Variants in CYP4V2 observed in about 807,000 individuals in gnomAD.
The protein encoded by CYP4V2 is cytochrome P450 4V2.
CYP4V2 carries 55 observed loss-of-function variants against 60.8 expected under a neutral mutation model. That is an observed-to-expected ratio of 0.90 (90% CI 0.73 to 1.13). The LOEUF (loss-of-function observed/expected upper bound fraction) is 1.13, where lower values mean the gene tolerates loss of function less well. Among genes scored for constraint, CYP4V2 ranks in the 50% most tolerant of loss-of-function variants. The pLI is 0.00. For synonymous variants in CYP4V2, 239 were observed against 236.8 expected, an observed-to-expected ratio of 1.01 and a Z score of -0.08; for missense variants, 675 against 662.9, an observed-to-expected ratio of 1.02 and a Z score of -0.20.
At chr4:186,209,492 A>C (rs1736641827) in intron 10 of CYP4V2, among the ~76,000 whole-genome samples, 1 of 152,208 alleles carries the variant, frequency 6.6e-6, no homozygotes, top group Non-Finnish European at 1.5e-5. Context: ...ATAGCAAAAT[A>C]CCACAGACTG....
chr4:186,194,308 G>GA (rs1736078109), intron 1 of CYP4V2, among the ~76,000 whole-genome samples, 192 bp from the exon 2 acceptor site: 1 of 152,068 alleles, frequency 6.6e-6, no homozygotes, highest in South Asian at 2.1e-4. Flanking sequence ...ATACTATGTT[G>GA]AAAAAAACTT....
intron 1 of CYP4V2, 43 bp downstream of exon 1, chr4:186,192,080 C>T (rs1472291444): frequency 1.3e-6 from 2 of 1,537,230 alleles, no homozygotes; most frequent in East Asian, 2.4e-5. Flanking sequence ...GGGTCCGCAG[C>T]CCCGTTCCCA....
At chr4:186,193,101 GTA>G (rs1323383199) in intron 1 of CYP4V2, among the ~76,000 whole-genome samples, 1 of 150,844 alleles carries the variant, frequency 6.6e-6, no homozygotes, top group Non-Finnish European at 1.5e-5. Flanking sequence ...CATGACTGAT[GTA>G]ACAAGTAATC....
In CYP4V2 at chr4:186,208,910, G is replaced by A. The variant is rs749161735; in HGVS notation, c.1136G>A (p.Arg379Gln). 12 of 1,614,006 alleles carry A rather than the reference G, an allele frequency of 7.4e-6. No homozygotes were observed. Among genetic ancestry groups the A allele is most frequent in the South Asian group, 2.2e-5 (2 of 91,086 alleles). The stretch of plus-strand genomic sequence containing the variant: ...ACAGTAGAAGACCTGAAGAAACTTC[G>A]GTATCTGGAATGTGTTATTAAGGAG... ...PATVEDLKKL[R>Q]YLECVIKETL... Residue 379 changes from arginine to glutamine, a missense_variant, in exon 9 of 11, where the codon CGG becomes CAG. By Grantham distance (43) the Arg-to-Gln change is conservative. Transcript: ENST00000378802.
chr4:186,209,069 AATGTATTGACT>A lies in CYP4V2; in HGVS notation c.1226-22_1226-12del. ...AATGTCTACCTTGCTCCGGTCTCAT[AATGTATTGACT>A]ACTTCTTGACAGCAGGTTACAGAGT... On this transcript the variant is annotated splice_polypyrimidine_tract_variant and intron_variant, in intron 9 of 10. Coordinates refer to ENST00000378802, the MANE Select transcript of CYP4V2 (RefSeq NM_207352.4). The A allele has an allele frequency of 6.2e-7, 1 of 1,614,142 alleles. No homozygotes were observed. Among genetic ancestry groups the A allele is most frequent in the Non-Finnish European group, 8.5e-7 (1 of 1,180,014 alleles).
At chr4:186,192,218 C>G in intron 1 of CYP4V2, 181 bp downstream of exon 1, 1 of 789,254 alleles carries the variant, frequency 1.3e-6, no homozygotes, top group Non-Finnish European at 2.2e-6. Context: ...CTGCTAGTGC[C>G]CCATCCCAAA....
Position 186,196,103 on chromosome 4 carries a change from C to G in CYP4V2, c.413+15C>G. The G allele has an allele frequency of 6.3e-7, 1 of 1,595,458 alleles. No individual in the cohort carries two copies. The highest frequency in any genetic ancestry group is 8.6e-7 in the Non-Finnish European group (1 of 1,163,052). On this transcript the variant is annotated intron_variant, in intron 3 of 10. Transcript: ENST00000378802. ...CTTCTTACAAGGTATGCCAGTGTACCTTTGTAAAGCTGTCTATAGAAATGG... is the reference window on the plus strand; with the variant it reads ...CTTCTTACAAGGTATGCCAGTGTACGTTTGTAAAGCTGTCTATAGAAATGG...
At chr4:186,201,042 G>A in intron 6 of CYP4V2, 115 bp from the exon 7 acceptor site, 2 of 1,091,790 alleles carry the variant, frequency 1.8e-6, no homozygotes, top group East Asian at 2.6e-5. Flanking sequence ...TCGAAATGTT[G>A]AAATAGGCTT....
intron 3 of CYP4V2, 80 bp from the exon 4 acceptor site, chr4:186,196,860 A>G: frequency 7.0e-7 from 1 of 1,434,718 alleles, no homozygotes; most frequent in Non-Finnish European, 9.6e-7. Flanking sequence ...TTTATGCTTT[A>G]ATCGTTTTGG....
intron 8 of CYP4V2, among the ~76,000 whole-genome samples, chr4:186,205,664 A>G (rs1431196719): frequency 6.6e-6 from 1 of 152,236 alleles, no homozygotes; most frequent in Non-Finnish European, 1.5e-5. Context: ...GCTGTTTCGC[A>G]GATTGCCTCT....
At position 186,192,775 on chromosome 4, in the gene CYP4V2, G is replaced by A. The variant is rs186191281; in HGVS notation, c.214+738G>A. On this transcript the variant is annotated intron_variant, in intron 1 of 10. Coordinates refer to ENST00000378802, the MANE Select transcript of CYP4V2 (RefSeq NM_207352.4). ...CAGGGAGGGCGAACTCGATCTCAGA[G>A]TTTTATTTTCATCAGGGATTACGTT... Among the ~76,000 whole-genome samples the A allele has an allele frequency of 3.3e-5, 5 of 152,304 alleles. No individual in the cohort carries two copies. The East Asian group carries it at 7.7e-4, about 24-fold the overall frequency.
At chr4:186,192,129 G>T in intron 1 of CYP4V2, 92 bp downstream of exon 1, 1 of 1,471,722 alleles carries the variant, frequency 6.8e-7, no homozygotes, top group Non-Finnish European at 9.2e-7. Flanking sequence ...TGTGGCGCTG[G>T]CCGCAGGAGA....
rs1736298238 is a variant in CYP4V2, at chr4:186,201,254, T to C, written c.899T>C (p.Leu300Pro). Residue 300 changes from leucine to proline, a missense_variant, in exon 7 of 11, where the codon CTT becomes CCT. Leu to Pro is a moderately conservative substitution (Grantham distance 98). Coordinates refer to ENST00000378802, the MANE Select transcript of CYP4V2 (RefSeq NM_207352.4). ...TCCAAAAATAAACGCAGGGCCTTTC[T>C]TGACTTGCTTTTAAGTGTGACTGAT... is the stretch of plus-strand genomic sequence containing the variant. ...APSKNKRRAF[L>P]DLLLSVTDDE... 6.2e-7 allele frequency: 1 copy of C among 1,614,212 alleles called. No individual in the cohort carries two copies.
Position 186,195,119 on chromosome 4 carries a change from A to T in CYP4V2, c.327+507A>T, listed in dbSNP as rs1441450058. Among the ~76,000 whole-genome samples the T allele has an allele frequency of 6.6e-6, 1 of 152,224 alleles. No individual in the cohort carries two copies. The highest frequency in any genetic ancestry group is 1.5e-5 in the Non-Finnish European group (1 of 68,040). On this transcript the variant is annotated intron_variant, in intron 2 of 10. Coordinates refer to ENST00000378802, the MANE Select transcript of CYP4V2 (RefSeq NM_207352.4). The surrounding 1 kb of genome is among the most constrained non-coding windows in gnomAD (Gnocchi z 4.1). ...AGCTGTAGTCTTTTTACTTGTTGAA[A>T]GGTCTGGGGAAATCATCTTGTAGTA...
At position 186,201,165 on chromosome 4, in the gene CYP4V2, T is replaced by A. The variant is rs3736455; in HGVS notation, c.810T>A (p.Ala270=). The change falls in exon 7 of 11, where the codon GCT becomes GCA. Residue 270 remains alanine (A), a synonymous_variant. Transcript: ENST00000378802. ...TCATTCAAATCATACAGGTCATCGC[T>A]GAACGGGCCAATGAAATGAACGCCA... ...ILHTFTNSVI[A]ERANEMNANE... is the part of the protein sequence containing the mutation. The A allele has an allele frequency of 1.4e-5, 22 of 1,613,696 alleles. No homozygotes were observed. The highest frequency in any genetic ancestry group is 1.6e-4 in the Middle Eastern group (1 of 6,062).
At chr4:186,196,844 G>T (rs1561431844) in intron 3 of CYP4V2, 96 bp from the exon 4 acceptor site, 7 of 1,289,820 alleles carry the variant, frequency 5.4e-6, no homozygotes, top group Non-Finnish European at 6.5e-6. Flanking sequence ...TTGTTGACTT[G>T]CTATATTTAT....
intron 1 of CYP4V2, chr4:186,192,274 C>T: frequency 1.4e-6 from 1 of 702,898 alleles, no homozygotes; most frequent in East Asian, 2.7e-5. Context: ...TATTTCCAAA[C>T]CCCTGCCCTC....
At chr4:186,201,034 G>C in intron 6 of CYP4V2, 123 bp from the exon 7 acceptor site, 1 of 1,015,860 alleles carries the variant, frequency 9.8e-7, no homozygotes, top group Non-Finnish European at 1.5e-6. Flanking sequence ...CTATGTTGTC[G>C]AAATGTTGAA....
At position 186,200,906 on chromosome 4, in the gene CYP4V2, A is replaced by G. The variant is rs7687818; in HGVS notation, c.802-251A>G. On this transcript the variant is annotated intron_variant, in intron 6 of 10. Transcript: ENST00000378802. ...CTATGATTCTATTCTTGTGTTGGAAAGACTGCAAAAATAGCACTTGAAAAT... is the reference window on the plus strand; with the variant it reads ...CTATGATTCTATTCTTGTGTTGGAAGGACTGCAAAAATAGCACTTGAAAAT... Among the ~76,000 whole-genome samples, 62,751 of 151,918 alleles carry G rather than the reference A, an allele frequency of 0.41. 13,277 individuals are homozygous for G. The highest frequency in any genetic ancestry group is 0.45 in the African/African-American group (18,618 of 41,396).
Sources: allele counts gnomAD v4.1 joint callset (sites outside exome capture counted in the v4.1 genomes callset), GRCh38; gene constraint gnomAD v4.1.1; non-coding constraint Gnocchi (gnomAD v3.1); transcripts MANE v1.5; gene names NCBI Gene and HGNC (gene_info 2026-07-23, HGNC 2026-07-21).